Variants in SLC24A3 observed in about 807,000 individuals in gnomAD.
The protein encoded by SLC24A3 is sodium/potassium/calcium exchanger 3.
A neutral mutation model predicts 75.8 loss-of-function variants in SLC24A3; 28 were observed. That is an observed-to-expected ratio of 0.37 (90% CI 0.27 to 0.51). The LOEUF is 0.51. SLC24A3 is among the 20% of genes least tolerant of loss of function. SLC24A3 has a pLI of 0.94. For synonymous variants in SLC24A3, 372 were observed against 334.1 expected (o/e 1.11, Z -1.24); for missense variants, 663 against 847.8 (o/e 0.78, Z 2.71).
intron 2 of SLC24A3, among the ~76,000 whole-genome samples, chr20:19,401,805 G>C (rs1408993699): frequency 6.6e-6 from 1 of 152,228 alleles, no homozygotes; most frequent in Non-Finnish European, 1.5e-5. Context: ...GAATTGGTGT[G>C]TAAGTACCCC....
chr20:19,263,410 G>C (rs1983058817), intron 1 of SLC24A3, among the ~76,000 whole-genome samples: 1 of 152,168 alleles, frequency 6.6e-6, no homozygotes, highest in African/African-American at 2.4e-5. Flanking sequence ...AGATACCAGT[G>C]CTCCTTGTCA....
chr20:19,638,847 C>T (rs1480631261), intron 6 of SLC24A3, among the ~76,000 whole-genome samples: 1 of 152,156 alleles, frequency 6.6e-6, no homozygotes, highest in African/African-American at 2.4e-5. Context: ...GTTCGTTCCT[C>T]CCAGTGGGCT....
At chr20:19,269,394 C>T (rs1983259146) in intron 1 of SLC24A3, among the ~76,000 whole-genome samples, 1 of 152,212 alleles carries the variant, frequency 6.6e-6, no homozygotes, top group Non-Finnish European at 1.5e-5. Flanking sequence ...CTGTTAATTT[C>T]CCAGTATTCC....
intron 15 of SLC24A3, among the ~76,000 whole-genome samples, chr20:19,704,489 G>A (rs1347189375): frequency 2.0e-5 from 3 of 152,208 alleles, no homozygotes; most frequent in Non-Finnish European, 4.4e-5. Flanking sequence ...AGGTAGACAA[G>A]ACCTTTCCTC....
chr20:19,624,759 G>C (rs190878666), intron 6 of SLC24A3, among the ~76,000 whole-genome samples: 1 of 152,316 alleles, frequency 6.6e-6, no homozygotes, highest in African/African-American at 2.4e-5. Context: ...CACTTATTTA[G>C]ATCTTGGGAA....
At position 19,452,199 on chromosome 20, in the gene SLC24A3, G is replaced by GTA. The variant is rs1987494734; in HGVS notation, c.272-63286_272-63285dup. On this transcript the variant is annotated intron_variant, in intron 2 of 16. Coordinates refer to ENST00000328041, the MANE Select transcript of SLC24A3 (RefSeq NM_020689.4). ...TTTGAGAAGCCAAGAGGAAGACGTG[G>GTA]TATACTTTTTAAAGAACAGGGCTAG... Among the ~76,000 whole-genome samples the GTA allele has an allele frequency of 3.9e-5, 6 of 152,282 alleles. No homozygotes were observed. In the South Asian group the frequency reaches 1.2e-3, roughly 32 times the overall value.
chr20:19,621,641 G>T (rs2031805840), intron 6 of SLC24A3, among the ~76,000 whole-genome samples: 1 of 152,142 alleles, frequency 6.6e-6, no homozygotes, highest in Non-Finnish European at 1.5e-5. Flanking sequence ...CTGGGGATCG[G>T]GTTAAAATGC....
intron 2 of SLC24A3, among the ~76,000 whole-genome samples, chr20:19,366,436 CT>C (rs1205844583): frequency 1.3e-5 from 2 of 152,152 alleles, no homozygotes; most frequent in Non-Finnish European, 2.9e-5. Context: ...GAAGAGTTTT[CT>C]TTTTTTGTAG....
chr20:19,264,141 A>G (rs1403477484), intron 1 of SLC24A3: 3 of 149,562 alleles, frequency 2.0e-5, no homozygotes, highest in Non-Finnish European at 4.4e-5. Context: ...AGCCTGAGTG[A>G]CAAAGCAAGA....
intron 2 of SLC24A3, among the ~76,000 whole-genome samples, chr20:19,395,660 G>C (rs1272350481): frequency 1.3e-5 from 2 of 152,232 alleles, no homozygotes; most frequent in Non-Finnish European, 2.9e-5. Context: ...TCAGAACACT[G>C]CGGGAGCCAG....
At chr20:19,521,671 G>A (rs2030101764) in intron 3 of SLC24A3, among the ~76,000 whole-genome samples, 1 of 152,120 alleles carries the variant, frequency 6.6e-6, no homozygotes, top group Non-Finnish European at 1.5e-5. Flanking sequence ...TCATTTCCTG[G>A]GGCCTGAGGT....
At chr20:19,639,554 C>G (rs1368579250) in intron 6 of SLC24A3, among the ~76,000 whole-genome samples, 1 of 152,254 alleles carries the variant, frequency 6.6e-6, no homozygotes, top group East Asian at 1.9e-4. Context: ...CTCAGGAGCC[C>G]AGCTGGCTTC....
intron 3 of SLC24A3, among the ~76,000 whole-genome samples, chr20:19,531,737 C>A (rs919392360): frequency 1.3e-5 from 2 of 152,158 alleles, no homozygotes; most frequent in Non-Finnish European, 2.9e-5. Context: ...ATGGCCACTG[C>A]CTCTGAGGAG....
intron 6 of SLC24A3, among the ~76,000 whole-genome samples, chr20:19,644,664 C>T (rs2032114182): frequency 6.6e-6 from 1 of 152,182 alleles, no homozygotes; most frequent in Non-Finnish European, 1.5e-5. Flanking sequence ...AAATAGCACT[C>T]TTAATCAAAA....
At chr20:19,374,909 T>C (rs1207580730) in intron 2 of SLC24A3, among the ~76,000 whole-genome samples, 1 of 152,194 alleles carries the variant, frequency 6.6e-6, no homozygotes, top group African/African-American at 2.4e-5. Flanking sequence ...CCATAGCCGA[T>C]GATGGGAGTT....
chr20:19,705,943 G>T (rs185938582), intron 15 of SLC24A3, among the ~76,000 whole-genome samples: 2 of 152,314 alleles, frequency 1.3e-5, no homozygotes, highest in African/African-American at 4.8e-5. Context: ...AGCACTTCTT[G>T]TTCCATTATG....
intron 2 of SLC24A3, among the ~76,000 whole-genome samples, chr20:19,465,149 A>T (rs552514862): frequency 2.0e-5 from 3 of 152,236 alleles, no homozygotes; most frequent in African/African-American, 4.8e-5. Flanking sequence ...AGAGAGCATG[A>T]GAAGGAAAAA....
In SLC24A3 at chr20:19,438,460, C is replaced by T. The variant is rs1017643818; in HGVS notation, c.272-77028C>T. ...CTTGCTGGCCTCTATACAGGACATCCCTACATGGTAGGTAGTGTGGACAGC... is the reference window on the plus strand; with the variant it reads ...CTTGCTGGCCTCTATACAGGACATCTCTACATGGTAGGTAGTGTGGACAGC... On this transcript the variant is annotated intron_variant, in intron 2 of 16. Coordinates refer to ENST00000328041, the MANE Select transcript of SLC24A3 (RefSeq NM_020689.4). 3.3e-5 allele frequency among the ~76,000 whole-genome samples: 5 copies of T among 152,164 alleles called. No homozygotes were observed. The East Asian group carries it at 9.6e-4, about 29-fold the overall frequency.
At chr20:19,408,736 C>G (rs1254863593) in intron 2 of SLC24A3, among the ~76,000 whole-genome samples, 1 of 152,124 alleles carries the variant, frequency 6.6e-6, no homozygotes, top group Admixed American at 6.5e-5. Context: ...ATTGGTGTCT[C>G]CATTTTTGTC....
Sources: gnomAD v4.1 joint callset for allele counts (sites outside exome capture counted in the v4.1 genomes callset) on GRCh38, gnomAD v4.1.1 for gene constraint, MANE v1.5 for transcripts, NCBI Gene and HGNC (gene_info 2026-07-23, HGNC 2026-07-21) for gene names.